The following KRT40 variants were observed in gnomAD, a reference collection of about 807,000 sequenced individuals.
The protein encoded by KRT40 is keratin 40, also known as keratin, type I cytoskeletal 40.
A neutral mutation model predicts 43.5 loss-of-function variants in KRT40; 47 were observed. That is an observed-to-expected ratio of 1.08 (90% CI 0.86 to 1.38). The LOEUF (loss-of-function observed/expected upper bound fraction) is 1.38, where lower values mean the gene tolerates loss of function less well. Among genes scored for constraint, KRT40 ranks in the 40% most tolerant of loss-of-function variants. The probability of loss-of-function intolerance (pLI) is 0.00; values close to 1 mark genes in which losing one functional copy is unlikely to be tolerated. For synonymous variants in KRT40, 212 were observed against 214.0 expected, an observed-to-expected ratio of 0.99 and a Z score of 0.08; for missense variants, 573 against 523.6, an observed-to-expected ratio of 1.09 and a Z score of -0.92.
intron 2 of KRT40, among the ~76,000 whole-genome samples, 184 bp from the exon 3 acceptor site, chr17:40,982,647 TTGTG>T (rs370933611): frequency 0.37 from 55,824 of 150,718 alleles, 12,072 homozygotes; most frequent in African/African-American, 0.62. Context: ...TAGAGAATAT[TTGTG>T]TGTGTGTGTG....
chr17:40,984,435 C>T (rs1912372706), upstream of KRT40: 7 of 603,594 alleles, frequency 1.2e-5, no homozygotes, highest in South Asian at 2.1e-5. Context: ...ACAAACATCT[C>T]ATTAGAGTTG....
chr17:40,981,350 C>T (rs1298406209), intron 3 of KRT40, 199 bp from the exon 4 acceptor site: 2 of 1,003,716 alleles, frequency 2.0e-6, no homozygotes, highest in African/African-American at 1.6e-5. Flanking sequence ...AATAATTGGA[C>T]ATTTTTCCAG....
At chr17:40,982,893 G>A (rs995678258) in intron 2 of KRT40, among the ~76,000 whole-genome samples, 153 bp downstream of exon 2, 2 of 152,084 alleles carry the variant, frequency 1.3e-5, no homozygotes, top group South Asian at 2.1e-4. Flanking sequence ...CTGTAATCCC[G>A]GCTACTCAGG....
chr17:40,983,772 G>T, intron 1 of KRT40, 55 bp downstream of exon 1: 2 of 1,550,350 alleles, frequency 1.3e-6, no homozygotes, highest in Non-Finnish European at 1.8e-6. Flanking sequence ...CTAGTAGAAA[G>T]ATAAAGCAAA....
chr17:40,979,075 C>T, intron 5 of KRT40, 51 bp from the exon 6 acceptor site: 1 of 1,401,552 alleles, frequency 7.1e-7, no homozygotes, highest in Non-Finnish European at 9.9e-7. Context: ...TCTCTCGGGC[C>T]AGAGTGCCTA....
chr17:40,978,207 C>T lies in KRT40; in HGVS notation c.1286G>A (p.Cys429Tyr), dbSNP rs781225665. ...TGCTGTCCTTAACATTCACAAGCAG[C>T]AGTTTTCAACAGTGCAGATGACATA... Reference protein sequence around the residue: ...SAYVICTVENCCL With the variant: ...SAYVICTVENYCL Residue 429 changes from cysteine (C) to tyrosine (Y), a missense_variant, in exon 7 of 7, where the codon TGC becomes TAC. Physicochemically the swap from Cys to Tyr is radical, Grantham distance 194. Coordinates refer to ENST00000377755, the MANE Select transcript of KRT40 (RefSeq NM_001389244.1). The T allele has an allele frequency of 7.0e-5, 113 of 1,612,348 alleles. 1 individual carries two copies. The Admixed American group carries it at 1.8e-3, about 26-fold the overall frequency.
chr17:40,978,121 G>T lies in KRT40; in HGVS notation c.*76C>A. ...CTCCTGGATTTGTGCTTCCGGTTTG[G>T]ATGTCCCTGGTTGAAGCCCCATCTC... On this transcript the variant is annotated 3_prime_UTR_variant, in exon 7 of 7. Coordinates refer to ENST00000377755, the MANE Select transcript of KRT40 (RefSeq NM_001389244.1). 1 of 1,096,016 alleles carries T rather than the reference G, an allele frequency of 9.1e-7. No homozygotes were observed. The highest frequency in any genetic ancestry group is 1.4e-6 in the Non-Finnish European group (1 of 717,508). The allele number at this position is 1,096,016 out of a possible 1,614,324, so 67.9% of individuals were successfully genotyped here.
intron 2 of KRT40, among the ~76,000 whole-genome samples, chr17:40,982,668 A>T (rs1030259786): frequency 1.5e-5 from 2 of 130,990 alleles, no homozygotes; most frequent in Non-Finnish European, 3.1e-5. Flanking sequence ...TGTGTGTGTG[A>T]GAGAGAGAGA....
At chr17:40,979,912 A>C (rs556647098) in intron 5 of KRT40, among the ~76,000 whole-genome samples, 2 of 152,376 alleles carry the variant, frequency 1.3e-5, no homozygotes, top group Admixed American at 1.3e-4. Context: ...TGCTCCCAAC[A>C]CATAGAAATG....
intron 2 of KRT40, 26 bp downstream of exon 2, chr17:40,983,020 A>AT (rs767736981): frequency 3.0e-5 from 29 of 964,474 alleles, no homozygotes; most frequent in African/African-American, 8.4e-5. Flanking sequence ...AAATAAATAA[A>AT]TAAAATAAAA....
Position 40,983,069 on chromosome 17 carries a change from C to T in KRT40, c.507G>A (p.Leu169=). The change falls in exon 2 of 7, where the codon CTG becomes CTA. Residue 169 remains leucine (L), a synonymous_variant. Transcript: ENST00000377755. ...ACTTTGACTTAAAGTCATCAGTGGCCAGTTTGCAGTTGTCAAGCTGTACAG... is the reference window on the plus strand; with the variant it reads ...ACTTTGACTTAAAGTCATCAGTGGCTAGTTTGCAGTTGTCAAGCTGTACAG... ...RLAVQLDNCK[L]ATDDFKSKYE... 1 of 1,450,654 alleles carries T rather than the reference C, an allele frequency of 6.9e-7. No homozygotes were observed. The highest frequency in any genetic ancestry group is 9.6e-7 in the Non-Finnish European group (1 of 1,037,352). The allele number at this position is 1,450,654 out of a possible 1,614,324, so 89.9% of individuals were successfully genotyped here.
chr17:40,983,732 C>T, intron 1 of KRT40, 95 bp downstream of exon 1: 3 of 1,268,508 alleles, frequency 2.4e-6, no homozygotes, highest in South Asian at 1.4e-5. Context: ...TTTTCCTTTC[C>T]CTTGGTTTCC....
At chr17:40,980,318 T>C (rs1567853104) in intron 5 of KRT40, among the ~76,000 whole-genome samples, 1 of 152,224 alleles carries the variant, frequency 6.6e-6, no homozygotes, top group Non-Finnish European at 1.5e-5. Flanking sequence ...TGACCAGAAC[T>C]GGTTCATGTC....
upstream of KRT40, chr17:40,984,409 T>A: frequency 1.6e-6 from 1 of 640,214 alleles, no homozygotes; most frequent in Non-Finnish European, 2.7e-6. Flanking sequence ...TTATCACTGA[T>A]GGTGCCAGTT....
chr17:40,983,021 T>A (rs1233237825), intron 2 of KRT40, 25 bp downstream of exon 2: 11 of 968,018 alleles, frequency 1.1e-5, no homozygotes, highest in Middle Eastern at 2.2e-4. Flanking sequence ...AATAAATAAA[T>A]AAAATAAAAT....
At chr17:40,981,683 C>T (rs1240110969) in intron 3 of KRT40, among the ~76,000 whole-genome samples, 1 of 152,142 alleles carries the variant, frequency 6.6e-6, no homozygotes. Flanking sequence ...ACCCTGTGGA[C>T]TGGAGCTAGG....
chr17:40,979,078 A>G, intron 5 of KRT40, 54 bp from the exon 6 acceptor site: 1 of 1,392,648 alleles, frequency 7.2e-7, no homozygotes, highest in South Asian at 1.2e-5. Flanking sequence ...CTCGGGCCAG[A>G]GTGCCTACTT....
At position 40,984,282 on chromosome 17, in the gene KRT40, A is replaced by C; in HGVS notation, c.-9T>G. The C allele has an allele frequency of 6.3e-7, 1 of 1,591,584 alleles. No homozygotes were observed. The highest frequency in any genetic ancestry group is 8.6e-7 in the Non-Finnish European group (1 of 1,164,608). On this transcript the variant is annotated 5_prime_UTR_variant, in exon 1 of 7. Coordinates refer to ENST00000377755, the MANE Select transcript of KRT40 (RefSeq NM_001389244.1). ...GAGCAGTCAGAAGTCATCCTTCCAG[A>C]AGCAAAGACAGAGACTGGCTGCAAA...
chr17:40,986,646 C>T (rs1912480691), upstream of KRT40, among the ~76,000 whole-genome samples: 1 of 151,702 alleles, frequency 6.6e-6, no homozygotes, highest in African/African-American at 2.4e-5. Context: ...GCTAATCACC[C>T]GTGACAATTT....
Sources: gnomAD v4.1 joint callset for allele counts (sites outside exome capture counted in the v4.1 genomes callset) on GRCh38, gnomAD v4.1.1 for gene constraint, MANE v1.5 for transcripts, NCBI Gene and HGNC (gene_info 2026-07-23, HGNC 2026-07-21) for gene names.